RGS6: variants seen among roughly 807,000 people sequenced by gnomAD.
RGS6 encodes the protein regulator of G-protein signaling 6.
Under a neutral mutation model 78.5 loss-of-function variants are expected in RGS6, and 30 were observed. The observed-to-expected ratio is 0.38, with a 90% confidence interval of 0.29 to 0.52. The LOEUF is 0.52. RGS6 is among the 20% of genes least tolerant of loss of function. The pLI, the probability that RGS6 is intolerant of heterozygous loss-of-function variation, is 0.85. For synonymous variants in RGS6, 206 were observed against 206.0 expected (o/e 1.00, Z 0.00); for missense variants, 495 against 609.7 (o/e 0.81, Z 1.98).
At chr14:71,876,846 C>G in the RGS6 span, among the ~76,000 whole-genome samples, 3 of 152,066 alleles carry the variant, frequency 2.0e-5, no homozygotes, top group African/African-American at 7.2e-5. Context: ...GTGCTTCCTT[C>G]AGGAGCTCTT....
At chr14:71,890,010 A>T in the RGS6 span, among the ~76,000 whole-genome samples, 2 of 152,056 alleles carry the variant, frequency 1.3e-5, no homozygotes, top group Non-Finnish European at 2.9e-5. Context: ...GTCTGCTCCT[A>T]CTTTGCCTTC....
chr14:71,914,090 C>T, the RGS6 span, among the ~76,000 whole-genome samples: 4 of 152,206 alleles, frequency 2.6e-5, no homozygotes, highest in African/African-American at 9.7e-5. Flanking sequence ...TTGGGCATTA[C>T]ATGTGCCGTG....
intron 3 of RGS6, among the ~76,000 whole-genome samples, chr14:72,413,052 G>T (rs1207683702): frequency 6.6e-6 from 1 of 152,204 alleles, no homozygotes; most frequent in Non-Finnish European, 1.5e-5. Context: ...CTGTTGATTT[G>T]GGGTGGAGAG....
At chr14:71,940,853 G>A (rs534756211) in intron 1 of RGS6, among the ~76,000 whole-genome samples, 1 of 152,276 alleles carries the variant, frequency 6.6e-6, no homozygotes, top group East Asian at 1.9e-4. Context: ...GGGATGAGTA[G>A]GTCTAAAGGG....
intron 2 of RGS6, among the ~76,000 whole-genome samples, chr14:72,030,369 A>T (rs547650039): frequency 1.3e-5 from 2 of 152,318 alleles, no homozygotes; most frequent in African/African-American, 4.8e-5. Flanking sequence ...TATTTAAAAG[A>T]TAAGGAAATA....
At chr14:71,958,718 C>T (rs554434154) in intron 1 of RGS6, among the ~76,000 whole-genome samples, 1 of 152,224 alleles carries the variant, frequency 6.6e-6, no homozygotes, top group Admixed American at 6.5e-5. Context: ...AGGAAGGGAT[C>T]AAGTGAAGGG....
the RGS6 span, among the ~76,000 whole-genome samples, chr14:72,609,333 C>T: frequency 6.6e-6 from 1 of 152,162 alleles, no homozygotes; most frequent in Non-Finnish European, 1.5e-5. Flanking sequence ...GGTCCTGGCA[C>T]GTGGGCCACC....
intron 2 of RGS6, among the ~76,000 whole-genome samples, chr14:72,257,083 A>C (rs1178443404): frequency 6.6e-6 from 1 of 152,180 alleles, no homozygotes; most frequent in Non-Finnish European, 1.5e-5. Flanking sequence ...TGCTGTGAAA[A>C]CCAAGATAAG....
chr14:72,291,895 G>C (rs73304927), intron 2 of RGS6, among the ~76,000 whole-genome samples: 3 of 152,122 alleles, frequency 2.0e-5, no homozygotes, highest in African/African-American at 4.8e-5. Flanking sequence ...TTTAGAGCTG[G>C]TCCCTTTTCA....
intron 2 of RGS6, among the ~76,000 whole-genome samples, chr14:72,289,942 C>T (rs2063280952): frequency 6.6e-6 from 1 of 152,046 alleles, no homozygotes; most frequent in Admixed American, 6.5e-5. Context: ...TGTTGTTTTC[C>T]CTGTCACTTC....
intron 2 of RGS6, among the ~76,000 whole-genome samples, chr14:72,046,961 C>T (rs531882516): frequency 4.4e-4 from 67 of 152,314 alleles, no homozygotes; most frequent in African/African-American, 1.3e-3. Flanking sequence ...TTTACCTAGC[C>T]TTGTGACCCT....
At chr14:71,995,300 G>C (rs1978225) in intron 2 of RGS6, among the ~76,000 whole-genome samples, 1 of 152,032 alleles carries the variant, frequency 6.6e-6, no homozygotes, top group African/African-American at 2.4e-5. Context: ...CTTTGTTACT[G>C]CATGGCTATA....
chr14:72,323,164 T>G (rs892906386), intron 2 of RGS6, among the ~76,000 whole-genome samples: 3 of 152,022 alleles, frequency 2.0e-5, no homozygotes, highest in African/African-American at 7.2e-5. Context: ...GAAAAAATAG[T>G]ATAAACAATA....
intron 3 of RGS6, among the ~76,000 whole-genome samples, chr14:72,424,848 G>C (rs1178721278): frequency 6.6e-6 from 1 of 152,192 alleles, no homozygotes; most frequent in African/African-American, 2.4e-5. Flanking sequence ...TCCCTGTGCA[G>C]ATGGTCTTTC....
intron 2 of RGS6, among the ~76,000 whole-genome samples, chr14:72,298,845 G>A (rs1170029618): frequency 1.3e-5 from 2 of 152,160 alleles, no homozygotes; most frequent in South Asian, 2.1e-4. Flanking sequence ...AGAATTTGTG[G>A]AGGATTTTAC....
At chr14:71,921,303 A>G in the RGS6 span, among the ~76,000 whole-genome samples, 5 of 151,024 alleles carry the variant, frequency 3.3e-5, no homozygotes, top group African/African-American at 1.2e-4. Flanking sequence ...CCCAAAGATT[A>G]AAAAAAAGGG....
chr14:72,011,067 T>C lies in RGS6; in HGVS notation c.84+46192T>C, dbSNP rs114790398. 1.3e-3 allele frequency among the ~76,000 whole-genome samples: 200 copies of C among 152,350 alleles called. 1 individual carries two copies. Among genetic ancestry groups the C allele is most frequent in the African/African-American group, 4.6e-3 (192 of 41,586 alleles). On this transcript the variant is annotated intron_variant, in intron 2 of 17. Transcript: ENST00000553525. Reference sequence around the variant, plus strand: ...ATTCTAAAATTGCAAATAAAGCTACTTGAGCTCCTGAAAGTAAATTTGTTG... The same window carrying C: ...ATTCTAAAATTGCAAATAAAGCTACCTGAGCTCCTGAAAGTAAATTTGTTG...
intron 2 of RGS6, among the ~76,000 whole-genome samples, chr14:72,243,952 T>C (rs2053570852): frequency 6.6e-6 from 1 of 152,218 alleles, no homozygotes; most frequent in African/African-American, 2.4e-5. Context: ...GAGCTTTACT[T>C]TGAATTCTAT....
At chr14:72,333,878 C>T (rs1223876903) in intron 2 of RGS6, among the ~76,000 whole-genome samples, 1 of 152,182 alleles carries the variant, frequency 6.6e-6, no homozygotes, top group African/African-American at 2.4e-5. Context: ...TACACACATA[C>T]GCACACCAGA....
Sources: gnomAD v4.1 joint callset for allele counts (sites outside exome capture counted in the v4.1 genomes callset) on GRCh38, gnomAD v4.1.1 for gene constraint, MANE v1.5 for transcripts, NCBI Gene and HGNC (gene_info 2026-07-23, HGNC 2026-07-21) for gene names.